GABRB1: variants seen among roughly 807,000 people sequenced by gnomAD.
GABRB1 encodes the protein gamma-aminobutyric acid receptor subunit beta-1.
GABRB1 carries 17 observed loss-of-function variants against 51.6 expected under a neutral mutation model. That is an observed-to-expected ratio of 0.33 (90% CI 0.23 to 0.49). GABRB1 has a LOEUF of 0.49. Among genes scored for constraint, GABRB1 ranks in the 20% least tolerant of loss-of-function variants. The pLI is 0.99. For missense variants in GABRB1, 410 were observed against 600.6 expected (o/e 0.68, Z 3.32); for synonymous variants, 247 against 218.9 (o/e 1.13, Z -1.14).
At chr4:47,210,351 G>T (rs1156635155) in intron 4 of GABRB1, among the ~76,000 whole-genome samples, 1 of 152,132 alleles carries the variant, frequency 6.6e-6, no homozygotes, top group South Asian at 2.1e-4. Context: ...TGAATGAACT[G>T]TAGCTGAAAT....
At chr4:47,420,013 A>C (rs1022657619) in intron 8 of GABRB1, among the ~76,000 whole-genome samples, 5 of 152,188 alleles carry the variant, frequency 3.3e-5, no homozygotes, top group Non-Finnish European at 7.3e-5. Context: ...GACACTCTAA[A>C]CTTTAAAAAA....
chr4:47,234,582 A>G (rs1721257792), intron 4 of GABRB1, among the ~76,000 whole-genome samples: 1 of 151,792 alleles, frequency 6.6e-6, no homozygotes. Context: ...AAAATACCCC[A>G]TTTTCTACTT....
intron 4 of GABRB1, among the ~76,000 whole-genome samples, chr4:47,279,379 C>A (rs1723195511): frequency 6.6e-6 from 1 of 152,022 alleles, no homozygotes; most frequent in Non-Finnish European, 1.5e-5. Flanking sequence ...CTGAATAGAG[C>A]AAAGTGCATT....
Position 47,225,251 on chromosome 4 carries a change from A to C in GABRB1, c.461+63782A>C, listed in dbSNP as rs947280097. ...CAGAGGTGCTCAGATGGAACCATAG[A>C]GAGGTTTCAGGAGTCCATGCCGCGG... is the stretch of plus-strand genomic sequence containing the variant. On this transcript the variant is annotated intron_variant, in intron 4 of 8. Coordinates refer to ENST00000295454, the MANE Select transcript of GABRB1 (RefSeq NM_000812.4). 4.6e-5 allele frequency among the ~76,000 whole-genome samples: 7 copies of C among 152,106 alleles called. No homozygotes were observed. The South Asian group carries it at 1.5e-3, about 32-fold the overall frequency.
Position 47,206,986 on chromosome 4 carries a change from C to T in GABRB1, c.461+45517C>T, listed in dbSNP as rs114946069. Among the ~76,000 whole-genome samples, 1,214 of 151,944 alleles carry T rather than the reference C, an allele frequency of 8.0e-3. 14 individuals carry two copies. Among genetic ancestry groups the T allele is most frequent in the African/African-American group, 0.028 (1,151 of 41,488 alleles). On this transcript the variant is annotated intron_variant, in intron 4 of 8. Transcript: ENST00000295454. The stretch of plus-strand genomic sequence containing the variant: ...ACCTGAAAGACTTAAGTGATCATGA[C>T]ATTTTATCTTCTGTTAATTGACTTT...
intron 4 of GABRB1, among the ~76,000 whole-genome samples, chr4:47,316,790 C>T (rs1455483087): frequency 6.6e-6 from 1 of 151,798 alleles, no homozygotes; most frequent in Non-Finnish European, 1.5e-5. Flanking sequence ...GTAGCCTTTG[C>T]TTGGTTATTT....
chr4:47,086,710 G>C (rs1728095401), intron 3 of GABRB1, among the ~76,000 whole-genome samples: 2 of 152,100 alleles, frequency 1.3e-5, no homozygotes, highest in South Asian at 4.1e-4. Context: ...TATTTCATTG[G>C]CTCACCCTCT....
chr4:47,016,086 C>T (rs760552486), intron 1 of GABRB1, among the ~76,000 whole-genome samples: 4 of 152,060 alleles, frequency 2.6e-5, no homozygotes, highest in Non-Finnish European at 4.4e-5. Flanking sequence ...CTGGCTTATA[C>T]AGAAAATAGG....
intron 4 of GABRB1, among the ~76,000 whole-genome samples, chr4:47,170,932 A>C (rs571135309): frequency 2.5e-4 from 38 of 152,272 alleles, no homozygotes; most frequent in Non-Finnish European, 5.0e-4. Context: ...CCAGTGAAAG[A>C]ACTGCAATTT....
chr4:47,103,765 T>G (rs540426129), intron 3 of GABRB1, among the ~76,000 whole-genome samples: 3 of 152,046 alleles, frequency 2.0e-5, no homozygotes, highest in Middle Eastern at 3.4e-3. Flanking sequence ...AAAATTACCT[T>G]TTCAACCATA....
intron 4 of GABRB1, among the ~76,000 whole-genome samples, chr4:47,167,400 C>G (rs376283479): frequency 2.0e-5 from 3 of 151,228 alleles, no homozygotes; most frequent in Non-Finnish European, 3.0e-5. Context: ...GAGCATTTAA[C>G]CTCCTTGAAA....
intron 1 of GABRB1, among the ~76,000 whole-genome samples, chr4:46,998,597 G>A (rs1331285932): frequency 2.0e-5 from 3 of 151,940 alleles, no homozygotes; most frequent in African/African-American, 7.3e-5. Flanking sequence ...AGCCAGGCGT[G>A]GTGGCAGGAG....
intron 4 of GABRB1, among the ~76,000 whole-genome samples, chr4:47,184,841 G>T (rs1332220694): frequency 6.6e-6 from 1 of 151,874 alleles, no homozygotes; most frequent in African/African-American, 2.4e-5. Context: ...GGGTTAATGA[G>T]ATCAGAGACT....
chr4:47,422,320 T>A (rs1452022334), intron 8 of GABRB1, among the ~76,000 whole-genome samples: 1 of 152,192 alleles, frequency 6.6e-6, no homozygotes, highest in African/African-American at 2.4e-5. Flanking sequence ...TGACACCCTA[T>A]CCCGATATGT....
chr4:47,362,349 G>A (rs1726838083), intron 5 of GABRB1, among the ~76,000 whole-genome samples: 1 of 152,124 alleles, frequency 6.6e-6, no homozygotes. Flanking sequence ...GGCTATGGAT[G>A]AGGGAGAGTG....
At chr4:47,238,931 G>C (rs188884370) in intron 4 of GABRB1, among the ~76,000 whole-genome samples, 217 of 152,268 alleles carry the variant, frequency 1.4e-3, no homozygotes, top group African/African-American at 5.0e-3. Context: ...TATTGTAGGA[G>C]GAGCTTTGAA....
At position 47,190,428 on chromosome 4, in the gene GABRB1, T is replaced by C. The variant is rs537722008; in HGVS notation, c.461+28959T>C. On this transcript the variant is annotated intron_variant, in intron 4 of 8. Coordinates refer to ENST00000295454, the MANE Select transcript of GABRB1 (RefSeq NM_000812.4). ...ATTGTGCACATACTGGAAACCACTG[T>C]AAACTATGTGCTAACGGCTTTATGC... 5.9e-5 allele frequency among the ~76,000 whole-genome samples: 9 copies of C among 152,226 alleles called. No homozygotes were observed. In the East Asian group the frequency reaches 1.2e-3, roughly 20 times the overall value.
chr4:47,282,814 A>T (rs1723341423), intron 4 of GABRB1, among the ~76,000 whole-genome samples: 1 of 152,204 alleles, frequency 6.6e-6, no homozygotes, highest in Non-Finnish European at 1.5e-5. Flanking sequence ...TGGAACTAGT[A>T]AGGTGTTGCA....
chr4:47,123,874 T>TA (rs1715976992), intron 3 of GABRB1, among the ~76,000 whole-genome samples: 1 of 89,716 alleles, frequency 1.1e-5, no homozygotes, highest in African/African-American at 4.1e-5. Context: ...GATATATATC[T>TA]TATATATAAT....
Sources: gnomAD v4.1 joint callset for allele counts (sites outside exome capture counted in the v4.1 genomes callset) on GRCh38, gnomAD v4.1.1 for gene constraint, MANE v1.5 for transcripts, NCBI Gene and HGNC (gene_info 2026-07-23, HGNC 2026-07-21) for gene names.